LUC7L2: variants seen among roughly 807,000 people sequenced by gnomAD.
The protein encoded by LUC7L2 is putative RNA-binding protein Luc7-like 2.
A neutral mutation model predicts 52.8 loss-of-function variants in LUC7L2; 25 were observed. The observed-to-expected ratio is 0.47, with a 90% CI of 0.34 to 0.66. The LOEUF (loss-of-function observed/expected upper bound fraction) is 0.66, where lower values mean the gene tolerates loss of function less well. Ranked by LOEUF, LUC7L2 falls within the 30% of genes least tolerant of loss-of-function variation. LUC7L2 has a pLI of 0.01. For synonymous variants in LUC7L2, 144 were observed against 160.9 expected (o/e 0.89, Z 0.80); for missense variants, 328 against 497.8 (o/e 0.66, Z 3.25).
intron 7 of LUC7L2, among the ~76,000 whole-genome samples, chr7:139,411,093 T>G (rs1276134233): frequency 6.6e-6 from 1 of 152,212 alleles, no homozygotes; most frequent in African/African-American, 2.4e-5. Flanking sequence ...AATCTCATTT[T>G]AAGATTCAAT....
intron 1 of LUC7L2, among the ~76,000 whole-genome samples, chr7:139,360,527 G>C (rs1188831208): frequency 6.6e-6 from 1 of 152,222 alleles, no homozygotes; most frequent in East Asian, 1.9e-4. Flanking sequence ...GGCGGGAACT[G>C]CTGCCAATGG....
chr7:139,349,366 T>C (rs1799375117), intron 1 of LUC7L2, among the ~76,000 whole-genome samples: 1 of 152,236 alleles, frequency 6.6e-6, no homozygotes, highest in African/African-American at 2.4e-5. Context: ...TCAGGCCATT[T>C]CTGTTCACAT....
At chr7:139,415,947 T>A (rs1416766960) in intron 8 of LUC7L2, among the ~76,000 whole-genome samples, 4 of 151,082 alleles carry the variant, frequency 2.6e-5, no homozygotes, top group African/African-American at 9.7e-5. Flanking sequence ...CTATCTCATA[T>A]GTATAATATG....
At chr7:139,350,290 T>C (rs937173709) in intron 1 of LUC7L2, among the ~76,000 whole-genome samples, 5 of 151,640 alleles carry the variant, frequency 3.3e-5, no homozygotes, top group African/African-American at 9.7e-5. Flanking sequence ...CCCGGCTAAT[T>C]TTTTGTATTT....
chr7:139,341,251 C>A, intron 1 of LUC7L2: 2 of 1,421,304 alleles, frequency 1.4e-6, no homozygotes, highest in Non-Finnish European at 1.9e-6. Flanking sequence ...GACAAGTGAG[C>A]GGTTCCACTG....
At chr7:139,375,171 CATCT>C in intron 1 of LUC7L2, 1 of 982,560 alleles carries the variant, frequency 1.0e-6, no homozygotes, top group Non-Finnish European at 1.2e-6. Context: ...TTTTAACTAA[CATCT>C]ATATTTTGTT....
chr7:139,417,640 G>C lies in LUC7L2; in HGVS notation c.912G>C (p.Arg304Ser). 1 of 1,614,152 alleles carries C rather than the reference G, an allele frequency of 6.2e-7. No individual in the cohort carries two copies. The change falls in exon 9 of 10, where the codon AGG (arginine) becomes AGC (serine). Residue 304 changes from arginine (R) to serine (S), a missense_variant. Physicochemically the swap from Arg to Ser is moderately radical, Grantham distance 110 (BLOSUM62 -1). This residue lies in a region of LUC7L2 where 195 missense variants were observed against 223.3 expected (regional missense o/e 0.87). Coordinates refer to ENST00000354926, the MANE Select transcript of LUC7L2 (RefSeq NM_016019.5). ...CTCGGGAGAAACGCCATCGCCACAG[G>C]TCCCGCTCCAGCAGCCGTAGCCGCA... ...SKSREKRHRHRSRSSSRSRSR... is the reference protein window; with the variant it reads ...SKSREKRHRHSSRSSSRSRSR...
chr7:139,407,662 A>G (rs941357568), intron 6 of LUC7L2, among the ~76,000 whole-genome samples: 3 of 151,994 alleles, frequency 2.0e-5, no homozygotes, highest in Non-Finnish European at 4.4e-5. Flanking sequence ...AATAAGGTCA[A>G]TAAGAATGTA....
intron 1 of LUC7L2, chr7:139,374,381 C>T: frequency 1.3e-6 from 2 of 1,538,822 alleles, no homozygotes; most frequent in East Asian, 2.4e-5. Context: ...ACAATCTGGC[C>T]CCTTGTTTTA....
intron 3 of LUC7L2, among the ~76,000 whole-genome samples, chr7:139,400,690 C>T (rs961633434): frequency 3.3e-5 from 5 of 152,110 alleles, no homozygotes; most frequent in African/African-American, 9.7e-5. Flanking sequence ...GATCTAGTCT[C>T]CCCCCAACCC....
At chr7:139,381,345 A>G (rs1324150667) in intron 2 of LUC7L2, among the ~76,000 whole-genome samples, 1 of 148,432 alleles carries the variant, frequency 6.7e-6, no homozygotes, top group Non-Finnish European at 1.5e-5. Flanking sequence ...TTCAACTCAA[A>G]TTTTACATAT....
chr7:139,395,908 G>A lies in LUC7L2; in HGVS notation c.157-2691G>A, dbSNP rs925386219. ...AGTGATCCTCCCACCTTGGCCCCCCGAAGTGCTGGGATTATAGGCATTAGC... is the reference window on the plus strand; with the variant it reads ...AGTGATCCTCCCACCTTGGCCCCCCAAAGTGCTGGGATTATAGGCATTAGC... On this transcript the variant is annotated intron_variant, in intron 2 of 9. Transcript: ENST00000354926. Among the ~76,000 whole-genome samples the A allele has an allele frequency of 6.6e-5, 10 of 152,208 alleles. No individual in the cohort carries two copies. In the South Asian group the frequency reaches 1.2e-3, roughly 19 times the overall value.
intron 8 of LUC7L2, 128 bp from the exon 9 acceptor site, chr7:139,417,410 T>C: frequency 4.3e-6 from 5 of 1,162,030 alleles, no homozygotes; most frequent in South Asian, 1.7e-5. Context: ...CAGTGTAGAT[T>C]TAGCTGACTT....
intron 1 of LUC7L2, among the ~76,000 whole-genome samples, chr7:139,372,653 T>C (rs1300987562): frequency 6.6e-6 from 1 of 152,134 alleles, no homozygotes; most frequent in East Asian, 1.9e-4. Flanking sequence ...CATTAATATA[T>C]CCTCGGCCGG....
chr7:139,350,821 C>T (rs1039203985), intron 1 of LUC7L2, among the ~76,000 whole-genome samples: 8 of 151,622 alleles, frequency 5.3e-5, no homozygotes, highest in Non-Finnish European at 1.0e-4. Context: ...GATTAACAGG[C>T]GCCCGCCACA....
intron 2 of LUC7L2, among the ~76,000 whole-genome samples, chr7:139,384,964 T>A (rs530503924): frequency 9.0e-4 from 137 of 151,970 alleles, no homozygotes; most frequent in African/African-American, 3.1e-3. Context: ...TATATACTAT[T>A]TAAAATAACA....
At chr7:139,352,071 C>G (rs770690798) in intron 1 of LUC7L2, among the ~76,000 whole-genome samples, 1 of 152,020 alleles carries the variant, frequency 6.6e-6, no homozygotes, top group Non-Finnish European at 1.5e-5. Context: ...GGCATGCCCC[C>G]ATAGTCCCAG....
intron 4 of LUC7L2, among the ~76,000 whole-genome samples, chr7:139,404,552 CAT>C (rs541892745): frequency 1.0e-3 from 153 of 152,288 alleles, no homozygotes; most frequent in African/African-American, 3.5e-3. Flanking sequence ...TCTTTGCTAA[CAT>C]ATTATAATTG....
At chr7:139,392,843 G>A (rs1195280547) in intron 2 of LUC7L2, among the ~76,000 whole-genome samples, 2 of 151,964 alleles carry the variant, frequency 1.3e-5, no homozygotes, top group African/African-American at 2.4e-5. Flanking sequence ...TAGTAGAGAC[G>A]AGGTTTCTCC....
Sources: gnomAD v4.1 joint callset for allele counts (sites outside exome capture counted in the v4.1 genomes callset) on GRCh38, gnomAD v4.1.1 for gene constraint, gnomAD v4.1.1 regional missense constraint, MANE v1.5 for transcripts, NCBI Gene and HGNC (gene_info 2026-07-23, HGNC 2026-07-21) for gene names.